TPR: variants seen among roughly 807,000 people sequenced by gnomAD.
The protein encoded by TPR is translocated promoter region, nuclear basket protein, also known as nucleoprotein TPR.
A neutral mutation model predicts 316.1 loss-of-function variants in TPR; 51 were observed. The ratio of observed to expected loss-of-function variants is 0.16; its 90% CI spans 0.13 to 0.20. The LOEUF (loss-of-function observed/expected upper bound fraction) is 0.20. Among genes scored for constraint, TPR ranks in the 10% least tolerant of loss-of-function variants. The pLI is 1.00. For synonymous variants in TPR, 981 were observed against 914.7 expected, an observed-to-expected ratio of 1.07 and a Z score of -1.31; for missense variants, 2,272 against 2,754.8, an observed-to-expected ratio of 0.82 and a Z score of 3.92.
chr1:186,363,597 T>C, intron 4 of TPR, 152 bp from the exon 5 acceptor site: 1 of 507,918 alleles, frequency 2.0e-6, no homozygotes, highest in Non-Finnish European at 3.4e-6. Flanking sequence ...CAGATTCACT[T>C]CCACTCATAT....
intron 17 of TPR, among the ~76,000 whole-genome samples, chr1:186,354,585 G>A (rs1404517196): frequency 1.3e-5 from 2 of 152,098 alleles, no homozygotes; most frequent in African/African-American, 4.8e-5. Flanking sequence ...CTATAAAACA[G>A]AAACAGTTTT....
At position 186,367,967 on chromosome 1, in the gene TPR, T is replaced by C; in HGVS notation, c.346A>G (p.Thr116Ala). ...TTCTCAGCTTCTAATTCTTCCTTTG[T>C]TCTTGTAAATTGGCTCTGTCATATA... is the stretch of plus-strand genomic sequence containing the variant. Reference protein sequence around the residue: ...NIAIQSQFTRTKEELEAEKRD... With the variant: ...NIAIQSQFTRAKEELEAEKRD... The change falls in exon 4 of 51, where the codon ACA becomes GCA. Residue 116 changes from threonine to alanine, a missense_variant. By Grantham distance (58) the Thr-to-Ala change is moderately conservative. This residue lies in a region of TPR where 549 missense variants were observed against 598.6 expected (regional missense o/e 0.92). Coordinates refer to ENST00000367478, the MANE Select transcript of TPR (RefSeq NM_003292.3). 6.2e-7 allele frequency: 1 copy of C among 1,609,968 alleles called. No homozygotes were observed. The highest frequency in any genetic ancestry group is 8.5e-7 in the Non-Finnish European group (1 of 1,179,272).
In TPR at chr1:186,314,669, C is replaced by T. The variant is rs1223855864; in HGVS notation, c.6996G>A (p.Leu2332=). ...ACTGACGACCACGGACACCTTGTCT[C>T]AATGTTGTCTGAAGTCTTACTCGTC... ...PFRRVRLQTT[L]RQGVRGRQFN... Residue 2332 remains leucine (L), a synonymous_variant, in exon 50 of 51, where the codon TTG becomes TTA. Coordinates refer to ENST00000367478, the MANE Select transcript of TPR (RefSeq NM_003292.3). The T allele has an allele frequency of 6.2e-7, 1 of 1,612,592 alleles. No individual in the cohort carries two copies. The highest frequency in any genetic ancestry group is 8.5e-7 in the Non-Finnish European group (1 of 1,179,244).
chr1:186,351,992 T>G lies in TPR; in HGVS notation c.2453A>C (p.Asn818Thr). Residue 818 changes from asparagine to threonine, a missense_variant, in exon 19 of 51, where the codon AAT (asparagine) becomes ACT (threonine). Physicochemically the swap from Asn to Thr is moderately conservative, Grantham distance 65. This residue lies in a region of TPR where 757 missense variants were observed against 859.8 expected (regional missense o/e 0.88). Transcript: ENST00000367478. The part of the protein sequence containing the change: ...EQRGQNLLLT[N>T]LQTIQGILER... ...TTTGGTTACCTGAATTGTTTGCAGA[T>G]TAGTTAGCAGTAAGTTTTGCCCCCT... The G allele has an allele frequency of 6.2e-7, 1 of 1,601,394 alleles. No individual in the cohort carries two copies. The highest frequency in any genetic ancestry group is 8.5e-7 in the Non-Finnish European group (1 of 1,176,248).
Position 186,347,413 on chromosome 1 carries a change from A to C in TPR, c.2822T>G (p.Leu941Arg), listed in dbSNP as rs772266475. The change falls in exon 22 of 51, where the codon CTA (leucine) becomes CGA (arginine). Residue 941 changes from leucine to arginine, a missense_variant. Around this residue, in one of 10 missense-constraint regions of TPR, gnomAD observed 757 missense variants for 859.8 expected, o/e 0.88. Transcript: ENST00000367478. ...KEDVDDLVSQ[L>R]RQTEEQVNDL... is the part of the protein sequence containing the mutation. ...ATTCACCTGCTCTTCTGTCTGTCTTAGCTGACTCACAAGATCATCCACATC... is the reference window on the plus strand; with the variant it reads ...ATTCACCTGCTCTTCTGTCTGTCTTCGCTGACTCACAAGATCATCCACATC... The C allele has an allele frequency of 1.2e-6, 2 of 1,614,040 alleles. No homozygotes were observed. The highest frequency in any genetic ancestry group is 1.1e-5 in the South Asian group (1 of 91,072).
intron 21 of TPR, 129 bp downstream of exon 21, chr1:186,350,094 G>GT (rs932834528): frequency 3.7e-3 from 3,457 of 923,012 alleles, no homozygotes; most frequent in Middle Eastern, 5.4e-3. Flanking sequence ...AAAAAGTTGG[G>GT]TTTTTTTTTG....
At position 186,332,278 on chromosome 1, in the gene TPR, C is replaced by T. The variant is rs1256260357; in HGVS notation, c.5521G>A (p.Glu1841Lys). The change falls in exon 38 of 51, where the codon GAA (glutamate) becomes AAA (lysine). Residue 1841 changes from glutamate (E) to lysine (K), a missense_variant. Physicochemically the swap from Glu to Lys is moderately conservative, Grantham distance 56 (BLOSUM62 1). Coordinates refer to ENST00000367478, the MANE Select transcript of TPR (RefSeq NM_003292.3). Reference protein sequence around the residue: ...TREEEEDSTIEASDQVSDDTV... With the variant: ...TREEEEDSTIKASDQVSDDTV... ...TCATCAGAGACTTGGTCTGATGCTT[C>T]TATGGTGCTATCCTCTTCCTCTTCA... 2 of 1,612,882 alleles carry T rather than the reference C, an allele frequency of 1.2e-6. No homozygotes were observed. Among genetic ancestry groups the T allele is most frequent in the Middle Eastern group, 1.7e-4 (1 of 6,056 alleles).
Position 186,361,850 on chromosome 1 carries a change from C to A in TPR, c.809G>T (p.Ser270Ile). The change falls in exon 8 of 51, where the codon AGT becomes ATT. Residue 270 changes from serine to isoleucine, a missense_variant. Ser to Ile is a moderately radical substitution (Grantham distance 142). Around this residue, in one of 10 missense-constraint regions of TPR, gnomAD observed 549 missense variants for 598.6 expected, o/e 0.92. Coordinates refer to ENST00000367478, the MANE Select transcript of TPR (RefSeq NM_003292.3). ...TTCATTGTGGAATTTCTCTTCCATA[C>A]TGGCCTGTTGTTCCTTGGCCTGAAA... ...KLKEAKEQQA[S>I]MEEKFHNELN... is the part of the protein sequence containing the mutation. 1 of 1,612,890 alleles carries A rather than the reference C, an allele frequency of 6.2e-7. No homozygotes were observed. Among genetic ancestry groups the A allele is most frequent in the East Asian group, 2.2e-5 (1 of 44,840 alleles).
chr1:186,360,385 C>G (rs758610770), intron 10 of TPR, 21 bp from the exon 11 acceptor site: 3 of 1,608,046 alleles, frequency 1.9e-6, no homozygotes, highest in Non-Finnish European at 2.6e-6. Context: ...AAATACACAT[C>G]TAGTATAATT....
chr1:186,312,013 T>C lies in TPR; in HGVS notation c.*1958A>G. 1 of 609,714 alleles carries C rather than the reference T, an allele frequency of 1.6e-6. No homozygotes were observed. The highest frequency in any genetic ancestry group is 2.8e-6 in the Non-Finnish European group (1 of 353,848). 37.8% of individuals were successfully genotyped at this position (609,714 alleles called of 1,614,324 possible). The stretch of plus-strand genomic sequence containing the variant: ...AACAAGTATTTCAGTTTAATAATTA[T>C]TTTTATAATACCCTTGACTAATAGC... On this transcript the variant is annotated 3_prime_UTR_variant, in exon 51 of 51. Coordinates refer to ENST00000367478, the MANE Select transcript of TPR (RefSeq NM_003292.3).
Position 186,347,397 on chromosome 1 carries a change from C to T in TPR, c.2838G>A (p.Glu946=). 2 of 1,614,018 alleles carry T rather than the reference C, an allele frequency of 1.2e-6. No homozygotes were observed. Among genetic ancestry groups the T allele is most frequent in the Non-Finnish European group, 1.7e-6 (2 of 1,179,988 alleles). Residue 946 remains glutamate (E), a synonymous_variant, in exon 22 of 51, where the codon GAG becomes GAA. Coordinates refer to ENST00000367478, the MANE Select transcript of TPR (RefSeq NM_003292.3). ...GTCTCTCCTTTAAGTCATTCACCTG[C>T]TCTTCTGTCTGTCTTAGCTGACTCA... The part of the protein sequence containing the change: ...DLVSQLRQTE[E]QVNDLKERLK...
In TPR at chr1:186,326,223, C is replaced by A. The variant is rs1332274341; in HGVS notation, c.5902G>T (p.Asp1968Tyr). The A allele has an allele frequency of 6.2e-7, 1 of 1,609,988 alleles. No homozygotes were observed. The highest frequency in any genetic ancestry group is 8.5e-7 in the Non-Finnish European group (1 of 1,177,836). ...TCATCATCATCATCATCTTCCTCAT[C>A]CTCTTCATAATCCTAGTAGAAAGTT... ...NDGEHEDYEEDEEDDDDDEDD... is the reference protein window; with the variant it reads ...NDGEHEDYEEYEEDDDDDEDD... Residue 1968 changes from aspartate to tyrosine, a missense_variant, in exon 41 of 51, where the codon GAT becomes TAT. This residue lies in a region of TPR where 435 missense variants were observed against 461.1 expected (regional missense o/e 0.94). Coordinates refer to ENST00000367478, the MANE Select transcript of TPR (RefSeq NM_003292.3).
intron 18 of TPR, among the ~76,000 whole-genome samples, 182 bp downstream of exon 18, chr1:186,353,506 A>C (rs935096321): frequency 6.6e-6 from 1 of 152,242 alleles, no homozygotes; most frequent in Non-Finnish European, 1.5e-5. Context: ...CTTCTATCTT[A>C]ATAGAAACAA....
chr1:186,354,214 TC>T (rs1298961010), intron 17 of TPR, among the ~76,000 whole-genome samples: 1 of 152,182 alleles, frequency 6.6e-6, no homozygotes, highest in Non-Finnish European at 1.5e-5. Context: ...AAACCTTCAT[TC>T]TTTTTTCCCA....
chr1:186,326,411 T>C (rs1657934026), intron 40 of TPR, among the ~76,000 whole-genome samples, 176 bp from the exon 41 acceptor site: 1 of 152,136 alleles, frequency 6.6e-6, no homozygotes, highest in South Asian at 2.1e-4. Flanking sequence ...TGATACTTAC[T>C]GGAATTAGTG....
chr1:186,369,176 A>G lies in TPR; in HGVS notation c.331-1194T>C, dbSNP rs114874573. Among the ~76,000 whole-genome samples, 976 of 152,304 alleles carry G rather than the reference A, an allele frequency of 6.4e-3. 12 individuals carry two copies. Among genetic ancestry groups the G allele is most frequent in the African/African-American group, 0.021 (876 of 41,564 alleles). On this transcript the variant is annotated intron_variant, in intron 3 of 50. Coordinates refer to ENST00000367478, the MANE Select transcript of TPR (RefSeq NM_003292.3). ...TTTTATAACAGTTTTCTAAATCATG[A>G]AGTATGATGCCTCCAACTTTGTTTT...
At position 186,312,988 on chromosome 1, in the gene TPR, G is replaced by GT; in HGVS notation, c.*982dup. The GT allele has an allele frequency of 7.5e-7, 1 of 1,327,600 alleles. No individual in the cohort carries two copies. The highest frequency in any genetic ancestry group is 2.3e-5 in the East Asian group (1 of 43,416). The allele number at this position is 1,327,600 out of a possible 1,614,324, so 82.2% of individuals were successfully genotyped here. ...ATGCTGGCTGCAATGATGACTGAAT[G>GT]TGAGAAGTTACACTACGGTACTTAT... On this transcript the variant is annotated 3_prime_UTR_variant, in exon 51 of 51. Transcript: ENST00000367478.
In TPR at chr1:186,318,555, G is replaced by A; in HGVS notation, c.6713C>T (p.Ser2238Phe). Residue 2238 changes from serine to phenylalanine, a missense_variant, in exon 48 of 51, where the codon TCT (serine) becomes TTT (phenylalanine). This residue lies in a region of TPR where 88 missense variants were observed against 176.2 expected (regional missense o/e 0.50). Coordinates refer to ENST00000367478, the MANE Select transcript of TPR (RefSeq NM_003292.3). The stretch of plus-strand genomic sequence containing the variant: ...TGTAGTCACCATTGGAACAGATTGA[G>A]AGGCATGTTCCGAAGCATCAGAGGT... ...STTSDASEHA[S>F]QSVPMVTTST... The A allele has an allele frequency of 1.2e-6, 2 of 1,614,028 alleles. No individual in the cohort carries two copies. Among genetic ancestry groups the A allele is most frequent in the East Asian group, 2.2e-5 (1 of 44,880 alleles).
chr1:186,366,089 C>G (rs531628993), intron 4 of TPR, among the ~76,000 whole-genome samples: 30 of 152,106 alleles, frequency 2.0e-4, no homozygotes, highest in African/African-American at 6.5e-4. Flanking sequence ...CTATAGCAAA[C>G]GGTGGAAGGA....
Sources: allele counts gnomAD v4.1 joint callset (sites outside exome capture counted in the v4.1 genomes callset), GRCh38; gene constraint gnomAD v4.1.1; regional missense constraint gnomAD v4.1.1; transcripts MANE v1.5; gene names NCBI Gene and HGNC (gene_info 2026-07-23, HGNC 2026-07-21).